NAV2: variants seen among roughly 807,000 people sequenced by gnomAD.
NAV2 encodes the protein neuron navigator 2.
In NAV2, 54 loss-of-function variants were observed where a neutral mutation model predicts 223.2. The observed-to-expected ratio is 0.24, with a 90% confidence interval of 0.19 to 0.30. NAV2 has a LOEUF of 0.30. Among genes scored for constraint, NAV2 ranks in the 10% least tolerant of loss-of-function variants. NAV2 has a pLI of 1.00. For synonymous variants in NAV2, 1,279 were observed against 1,239.3 expected (o/e 1.03, Z -0.67); for missense variants, 2,806 against 3,147.5 (o/e 0.89, Z 2.60).
chr11:19,518,675 A>C (rs1239341537), intron 1 of NAV2: 1 of 152,168 alleles, frequency 6.6e-6, no homozygotes, highest in African/African-American at 2.4e-5. Context: ...CATTCCTCTC[A>C]TCTGATAAAT....
intron 31 of NAV2, among the ~76,000 whole-genome samples, chr11:20,100,323 G>A (rs536703151): frequency 6.6e-6 from 1 of 152,296 alleles, no homozygotes; most frequent in African/African-American, 2.4e-5. Flanking sequence ...AACATTTCAG[G>A]CTAGGTCTGC....
chr11:19,443,704 A>G (rs1851483443), intron 1 of NAV2, among the ~76,000 whole-genome samples: 1 of 152,226 alleles, frequency 6.6e-6, no homozygotes, highest in East Asian at 1.9e-4. Flanking sequence ...AGACTAAGAC[A>G]TCTGGCTTGG....
chr11:19,985,402 C>A lies in NAV2; in HGVS notation c.2768+1155C>A, dbSNP rs545385996. ...TTGAATGTGTCCTCCTTAGAGTCCCCCCAGTGCCCAGGCTTGTGATTTATA... is the reference window on the plus strand; with the variant it reads ...TTGAATGTGTCCTCCTTAGAGTCCCACCAGTGCCCAGGCTTGTGATTTATA... On this transcript the variant is annotated intron_variant, in intron 11 of 37. Transcript: ENST00000349880. Among the ~76,000 whole-genome samples, 26 of 152,280 alleles carry A rather than the reference C, an allele frequency of 1.7e-4. No homozygotes were observed. The East Asian group carries it at 4.6e-3, about 27-fold the overall frequency.
chr11:19,913,652 A>T (rs1054391706), intron 6 of NAV2, among the ~76,000 whole-genome samples: 1 of 152,220 alleles, frequency 6.6e-6, no homozygotes, highest in Non-Finnish European at 1.5e-5. Flanking sequence ...AGGCACAGAG[A>T]GAAAGGAGGG....
chr11:19,456,877 T>A (rs192977826), intron 1 of NAV2, among the ~76,000 whole-genome samples: 1 of 152,184 alleles, frequency 6.6e-6, no homozygotes, highest in African/African-American at 2.4e-5. Flanking sequence ...AACAGGCTGA[T>A]GTGAGGGAGG....
intron 17 of NAV2, among the ~76,000 whole-genome samples, chr11:20,052,463 G>A (rs1022291553): frequency 1.3e-5 from 2 of 152,242 alleles, no homozygotes; most frequent in Non-Finnish European, 2.9e-5. Context: ...TGAGCTGCTT[G>A]TCAGCAACCA....
chr11:19,704,029 T>G (rs1446423317), intron 1 of NAV2, among the ~76,000 whole-genome samples: 8 of 145,624 alleles, frequency 5.5e-5, no homozygotes, highest in Admixed American at 1.4e-4. Flanking sequence ...TTTGGGGGGG[T>G]GGAAGGGGGT....
chr11:19,892,731 A>T (rs1332050891), intron 6 of NAV2, 137 bp downstream of exon 6: 1 of 896,206 alleles, frequency 1.1e-6, no homozygotes, highest in Non-Finnish European at 1.6e-6. Context: ...CATATTTGGT[A>T]GGCAGGAACT....
chr11:19,639,366 TAGCCCCATGTGGGGGCCCCTGG>T (rs1229172866), intron 1 of NAV2, among the ~76,000 whole-genome samples: 9 of 152,200 alleles, frequency 5.9e-5, no homozygotes, highest in African/African-American at 2.2e-4. Context: ...ACAGCCTGCA[TAGCCCCATGTGGGGGCCCCTGG>T]AGCCCCCTCC....
At position 20,014,146 on chromosome 11, in the gene NAV2, A is replaced by G. The variant is rs935701292; in HGVS notation, c.2769-21813A>G. Among the ~76,000 whole-genome samples, 8 of 152,158 alleles carry G rather than the reference A, an allele frequency of 5.3e-5. No individual in the cohort carries two copies. In the East Asian group the frequency reaches 1.4e-3, roughly 26 times the overall value. On this transcript the variant is annotated intron_variant, in intron 11 of 37. Coordinates refer to ENST00000349880, the MANE Select transcript of NAV2 (RefSeq NM_145117.5). ...TAGGGGCTGCCAATGATGAGCACCTACAAGTTTCCTCTCCAATCCCTTCCT... is the reference window on the plus strand; with the variant it reads ...TAGGGGCTGCCAATGATGAGCACCTGCAAGTTTCCTCTCCAATCCCTTCCT...
rs528255757 is a variant in NAV2, at chr11:19,890,155, A to C, written c.771-2279A>C. Among the ~76,000 whole-genome samples, 99 of 152,274 alleles carry C rather than the reference A, an allele frequency of 6.5e-4. 1 individual carries two copies. The highest frequency in any genetic ancestry group is 2.2e-3 in the African/African-American group (91 of 41,556). ...CTGTTAACTATTGGGTATAACTGTA[A>C]ATCATTATTCATCATTATTCCAAAG... On this transcript the variant is annotated intron_variant, in intron 5 of 37. Coordinates refer to ENST00000349880, the MANE Select transcript of NAV2 (RefSeq NM_145117.5).
intron 1 of NAV2, among the ~76,000 whole-genome samples, chr11:19,453,791 C>G (rs1391358301): frequency 6.6e-6 from 1 of 152,194 alleles, no homozygotes; most frequent in Non-Finnish European, 1.5e-5. Context: ...TTAAATGACT[C>G]TGTTAGGTTT....
At position 19,933,701 on chromosome 11, in the gene NAV2, A is replaced by T; in HGVS notation, c.1457A>T (p.Glu486Val). 2 of 1,614,212 alleles carry T rather than the reference A, an allele frequency of 1.2e-6. No homozygotes were observed. The highest frequency in any genetic ancestry group is 1.7e-6 in the Non-Finnish European group (2 of 1,180,040). Residue 486 changes from glutamate to valine, a missense_variant, in exon 7 of 38, where the codon GAG becomes GTG. Glu to Val is a moderately radical substitution (Grantham distance 121). Coordinates refer to ENST00000349880, the MANE Select transcript of NAV2 (RefSeq NM_145117.5). This position sits in a 1 kb window ranked among gnomAD's most constrained non-coding sequence, Gnocchi z 4.3. Reference sequence around the variant, plus strand: ...AAGAAGAGTTCTCTGAAAGGCAATGAGAAAGAGAAGGAGAAACAACAGCGG... The same window carrying T: ...AAGAAGAGTTCTCTGAAAGGCAATGTGAAAGAGAAGGAGAAACAACAGCGG... Reference protein sequence around the residue: ...TNKKSSLKGNEKEKEKQQREK... With the variant: ...TNKKSSLKGNVKEKEKQQREK...
At chr11:19,393,962 G>C (rs1250330714) in intron 1 of NAV2, among the ~76,000 whole-genome samples, 1 of 138,090 alleles carries the variant, frequency 7.2e-6, no homozygotes, top group South Asian at 2.3e-4. Context: ...CATGTAGACT[G>C]TTGTATCAGA....
At chr11:19,770,588 A>G (rs780897293) in intron 1 of NAV2, among the ~76,000 whole-genome samples, 1 of 152,184 alleles carries the variant, frequency 6.6e-6, no homozygotes, top group African/African-American at 2.4e-5. Flanking sequence ...CCTTGGATTC[A>G]TGGGAATAGC....
At chr11:20,009,925 G>C (rs557034945) in intron 11 of NAV2, among the ~76,000 whole-genome samples, 5 of 151,882 alleles carry the variant, frequency 3.3e-5, no homozygotes, top group East Asian at 3.9e-4. Context: ...TTGCTCCCAT[G>C]ATGGCCTGAA....
Position 20,083,001 on chromosome 11 carries a change from A to G in NAV2, c.5326-6A>G, listed in dbSNP as rs761069691. On this transcript the variant is annotated splice_region_variant and splice_polypyrimidine_tract_variant and intron_variant, in intron 25 of 37. Transcript: ENST00000349880. ...CGCTGTGAGACTGACAGTCTTGTAT[A>G]TTCAGTTACGCAGCTCCTTCAAGCA... is the stretch of plus-strand genomic sequence containing the variant. 1 of 1,610,492 alleles carries G rather than the reference A, an allele frequency of 6.2e-7. No homozygotes were observed. Among genetic ancestry groups the G allele is most frequent in the Non-Finnish European group, 8.5e-7 (1 of 1,178,128 alleles).
intron 1 of NAV2, among the ~76,000 whole-genome samples, chr11:19,766,515 A>T (rs1590382427): frequency 6.6e-6 from 1 of 152,246 alleles, no homozygotes; most frequent in Non-Finnish European, 1.5e-5. Flanking sequence ...AGTAGCTCTC[A>T]GAGCCAGAAG....
intron 1 of NAV2, among the ~76,000 whole-genome samples, chr11:19,514,703 A>G (rs915590150): frequency 2.6e-5 from 4 of 152,078 alleles, no homozygotes; most frequent in African/African-American, 7.2e-5. Flanking sequence ...GAAACTTCCA[A>G]CGCCAGGCCA....
Sources: allele counts gnomAD v4.1 joint callset (sites outside exome capture counted in the v4.1 genomes callset), GRCh38; gene constraint gnomAD v4.1.1; non-coding constraint Gnocchi (gnomAD v3.1); transcripts MANE v1.5; gene names NCBI Gene and HGNC (gene_info 2026-07-23, HGNC 2026-07-21).